Variants in TTLL13 observed in about 807,000 individuals in gnomAD.
TTLL13 encodes the protein tubulin polyglutamylase TTLL13.
chr15:90,262,469 C>A, the TTLL13 span: 1 of 1,460,934 alleles, frequency 6.8e-7, no homozygotes, highest in South Asian at 1.4e-5. Flanking sequence ...TCTCTACTGT[C>A]TGAAGCTGCT....
At chr15:90,258,820 G>A in the TTLL13 span, 3 of 1,614,194 alleles carry the variant, frequency 1.9e-6, no homozygotes, top group Non-Finnish European at 2.5e-6. Context: ...GTGATGCTAT[G>A]ACCCTTGTCA....
At chr15:90,261,922 G>A in the TTLL13 span, 1 of 1,140,940 alleles carries the variant, frequency 8.8e-7, no homozygotes, top group Non-Finnish European at 1.2e-6. Context: ...CAGCAGGAGG[G>A]TCTCCAAACC....
chr15:90,253,805 C>G, the TTLL13 span, among the ~76,000 whole-genome samples: 1 of 152,192 alleles, frequency 6.6e-6, no homozygotes, highest in Non-Finnish European at 1.5e-5. Flanking sequence ...GAATGATCCA[C>G]CGGGGTCCAC....
chr15:90,264,358 C>G, the TTLL13 span, among the ~76,000 whole-genome samples: 5 of 152,152 alleles, frequency 3.3e-5, no homozygotes, highest in Non-Finnish European at 7.4e-5. Context: ...GCTCGGCTAA[C>G]TTTTGTATAT....
the TTLL13 span, among the ~76,000 whole-genome samples, chr15:90,250,359 C>T: frequency 6.6e-6 from 1 of 152,144 alleles, no homozygotes; most frequent in African/African-American, 2.4e-5. Flanking sequence ...CACCCCTGTG[C>T]GTTGTATGAT....
chr15:90,259,043 T>C, the TTLL13 span: 1 of 1,563,260 alleles, frequency 6.4e-7, no homozygotes, highest in Admixed American at 1.9e-5. Context: ...ACTTTTTGCA[T>C]AGATAATATG....
the TTLL13 span, chr15:90,257,067 A>G: frequency 7.2e-7 from 1 of 1,396,574 alleles, no homozygotes; most frequent in Non-Finnish European, 9.8e-7. Flanking sequence ...ATGTGTGTGA[A>G]GCACTTAGAA....
the TTLL13 span, chr15:90,263,813 G>A: frequency 4.2e-6 from 3 of 715,828 alleles, no homozygotes; most frequent in Non-Finnish European, 7.6e-6. Flanking sequence ...GTGCTCCTAA[G>A]AGGGGCTGCC....
the TTLL13 span, chr15:90,256,166 C>A: frequency 1.9e-6 from 3 of 1,614,122 alleles, no homozygotes; most frequent in South Asian, 2.2e-5. Context: ...GTCCTACGGT[C>A]GTCAGCGAAA....
At chr15:90,253,299 G>T in the TTLL13 span, 1 of 1,613,890 alleles carries the variant, frequency 6.2e-7, no homozygotes, top group African/African-American at 1.3e-5. Flanking sequence ...GGAGGATGAA[G>T]AGTGGACTCT....
At chr15:90,253,679 C>A in the TTLL13 span, among the ~76,000 whole-genome samples, 1 of 152,120 alleles carries the variant, frequency 6.6e-6, no homozygotes, top group African/African-American at 2.4e-5. Flanking sequence ...TACTGGGAGG[C>A]AGCTTCAGAG....
At chr15:90,265,140 A>G in the TTLL13 span, 1 of 1,224,798 alleles carries the variant, frequency 8.2e-7, no homozygotes, top group Non-Finnish European at 1.1e-6. Flanking sequence ...TCAATACCCT[A>G]AGATTAATTG....
the TTLL13 span, chr15:90,258,891 G>A: frequency 3.8e-5 from 62 of 1,614,140 alleles, no homozygotes; most frequent in Non-Finnish European, 5.1e-5. Flanking sequence ...GTCAAGGAAC[G>A]GCTTTTCCAG....
chr15:90,264,659 A>G, the TTLL13 span: 1 of 1,509,448 alleles, frequency 6.6e-7, no homozygotes, highest in Admixed American at 2.0e-5. Context: ...ACAGTTGGGA[A>G]AGAGGTGAAC....
the TTLL13 span, among the ~76,000 whole-genome samples, chr15:90,254,936 T>G: frequency 6.6e-6 from 1 of 152,214 alleles, no homozygotes; most frequent in Non-Finnish European, 1.5e-5. Flanking sequence ...GTTAAGTGCT[T>G]TTATAGTATT....
At chr15:90,256,593 CTTTCTT>C in the TTLL13 span, among the ~76,000 whole-genome samples, 9 of 39,056 alleles carry the variant, frequency 2.3e-4, no homozygotes, top group Admixed American at 1.4e-3. Flanking sequence ...TTCTTTCTTT[CTTTCTT>C]TCTTTCTTTC....
the TTLL13 span, chr15:90,253,406 G>A: frequency 3.7e-5 from 55 of 1,504,136 alleles, no homozygotes; most frequent in Non-Finnish European, 4.9e-5. Flanking sequence ...AGGGGCTAGG[G>A]CCCCAGAATG....
chr15:90,263,806 C>A, the TTLL13 span: 5 of 709,820 alleles, frequency 7.0e-6, no homozygotes, highest in Admixed American at 2.0e-5. Flanking sequence ...CCTACTGGTG[C>A]TCCTAAGAGG....
the TTLL13 span, chr15:90,263,380 A>G: frequency 7.8e-6 from 4 of 512,356 alleles, no homozygotes; most frequent in Non-Finnish European, 1.0e-5. Flanking sequence ...AAACCTTCTC[A>G]TTTACAGGAA....
Sources: gnomAD v4.1 joint callset for allele counts (sites outside exome capture counted in the v4.1 genomes callset) on GRCh38, gnomAD v4.1.1 for gene constraint, MANE v1.5 for transcripts, NCBI Gene and HGNC (gene_info 2026-07-23, HGNC 2026-07-21) for gene names.